Variants in SCO1 observed in about 807,000 individuals in gnomAD.
The protein encoded by SCO1 is cytochrome c oxidase assembly factor SCO1.
SCO1 carries 23 observed loss-of-function variants against 34.0 expected under a neutral mutation model. The ratio of observed to expected loss-of-function variants is 0.68; its 90% confidence interval spans 0.49 to 0.96. The LOEUF is 0.96. SCO1 is among the 40% of genes least tolerant of loss of function. SCO1 has a pLI of 0.00. For synonymous variants in SCO1, 161 were observed against 145.5 expected, an observed-to-expected ratio of 1.11 and a Z score of -0.77; for missense variants, 404 against 381.6, an observed-to-expected ratio of 1.06 and a Z score of -0.49.
rs551849143 is a variant in SCO1 at position 10,674,414 on chromosome 17, G to A, written c.*6705C>T. On this transcript the variant is annotated 3_prime_UTR_variant, in exon 6 of 6. Coordinates refer to ENST00000255390, the MANE Select transcript of SCO1 (RefSeq NM_004589.4). ...GCTCTCCAGCCTAGGCAACAAGAGC[G>A]AAACTCCATCTCAAAACAAACAAAC... 5.6e-4 allele frequency: 159 copies of A among 283,682 alleles called. 1 individual carries two copies. The highest frequency in any genetic ancestry group is 3.1e-3 in the African/African-American group (134 of 43,740). The allele number at this position is 283,682 out of a possible 1,614,324, so 17.6% of individuals were successfully genotyped here.
At chr17:10,689,366 C>A (rs2074677410) in intron 4 of SCO1, among the ~76,000 whole-genome samples, 1 of 152,084 alleles carries the variant, frequency 6.6e-6, no homozygotes, top group Non-Finnish European at 1.5e-5. Context: ...CTTCATAAAA[C>A]ATATTTTTAA....
chr17:10,696,752 T>C (rs2074730745), intron 1 of SCO1, among the ~76,000 whole-genome samples: 1 of 152,114 alleles, frequency 6.6e-6, no homozygotes, highest in Non-Finnish European at 1.5e-5. Flanking sequence ...GGCTCTCAAG[T>C]TATTTCTGGG....
rs375308501 is a variant in SCO1, at chr17:10,688,979, G to A, written c.656-2137C>T. ...AAAATACAAAAAATTAGCCGGGCGT[G>A]GTAGCGGGCGCCTGTAGTCCCAGCT... On this transcript the variant is annotated intron_variant, in intron 4 of 5. Transcript: ENST00000255390. Among the ~76,000 whole-genome samples, 48 of 148,398 alleles carry A rather than the reference G, an allele frequency of 3.2e-4. No individual in the cohort carries two copies. In the East Asian group the frequency reaches 6.8e-3, roughly 21 times the overall value.
rs535894171 is a variant in SCO1, at chr17:10,676,605, T to C, written c.*4514A>G. On this transcript the variant is annotated 3_prime_UTR_variant, in exon 6 of 6. Coordinates refer to ENST00000255390, the MANE Select transcript of SCO1 (RefSeq NM_004589.4). ...AAGGAAAAAAAGAAAACTCAAGTTT[T>C]CTTTCGGTTAAATACCCACATCAAT... 3.3e-5 allele frequency: 5 copies of C among 152,348 alleles called. 1 individual carries two copies. In the Middle Eastern group the frequency reaches 0.017, roughly 518 times the overall value. The allele number at this position is 152,348 out of a possible 1,614,324, so 9.4% of individuals were successfully genotyped here. A position where few individuals can be genotyped will look rare whatever the true frequency, so the allele number is the denominator to read the frequency against.
chr17:10,686,585 A>T, intron 5 of SCO1, 142 bp downstream of exon 5: 1 of 555,544 alleles, frequency 1.8e-6, no homozygotes, highest in Non-Finnish European at 3.2e-6. Context: ...CCATCTCAAA[A>T]AAAAAAAAAA....
chr17:10,687,945 T>G (rs1040944217), intron 4 of SCO1, among the ~76,000 whole-genome samples: 1 of 152,234 alleles, frequency 6.6e-6, no homozygotes, highest in African/African-American at 2.4e-5. Context: ...AATGAGTTCA[T>G]AAATATCTGT....
chr17:10,694,389 A>C (rs1173990591), intron 2 of SCO1, among the ~76,000 whole-genome samples: 1 of 152,206 alleles, frequency 6.6e-6, no homozygotes, highest in Non-Finnish European at 1.5e-5. Flanking sequence ...AAAACTTGGA[A>C]GACTGAACTG....
chr17:10,690,309 T>A (rs1461237956), intron 4 of SCO1, among the ~76,000 whole-genome samples: 1 of 151,414 alleles, frequency 6.6e-6, no homozygotes, highest in African/African-American at 2.4e-5. Context: ...GACTAGGGAG[T>A]TAATATCCAG....
At chr17:10,690,382 T>G (rs1359060526) in intron 4 of SCO1, among the ~76,000 whole-genome samples, 1 of 152,150 alleles carries the variant, frequency 6.6e-6, no homozygotes, top group Admixed American at 6.5e-5. Flanking sequence ...GCAAATGATC[T>G]AAATAGACAT....
Position 10,681,226 on chromosome 17 carries a change from T to C in SCO1, c.799A>G (p.Ile267Val). Residue 267 changes from isoleucine (I) to valine (V), a missense_variant, in exon 6 of 6, where the codon ATT becomes GTT. Coordinates refer to ENST00000255390, the MANE Select transcript of SCO1 (RefSeq NM_004589.4). ...IVDHTIIMYLIGPDGEFLDYF... is the reference protein window; with the variant it reads ...IVDHTIIMYLVGPDGEFLDYF... ...TCTAGAAACTCACCATCTGGTCCAA[T>C]CAAGTACATTATTATTGTGTGATCC... 1 of 1,614,102 alleles carries C rather than the reference T, an allele frequency of 6.2e-7. No individual in the cohort carries two copies. Among genetic ancestry groups the C allele is most frequent in the South Asian group, 1.1e-5 (1 of 91,074 alleles).
intron 3 of SCO1, among the ~76,000 whole-genome samples, chr17:10,692,329 G>A (rs1216326955): frequency 6.6e-6 from 1 of 152,188 alleles, no homozygotes; most frequent in Non-Finnish European, 1.5e-5. Context: ...TCAAGGGCAA[G>A]AAGGTAAATT....
intron 2 of SCO1, 115 bp from the exon 3 acceptor site, chr17:10,693,076 G>T (rs2151457184): frequency 2.4e-6 from 2 of 822,574 alleles, no homozygotes; most frequent in East Asian, 5.3e-5. Flanking sequence ...ACAAAATGTG[G>T]AAAAAACAGT....
chr17:10,690,330 A>G (rs1170080525), intron 4 of SCO1, among the ~76,000 whole-genome samples: 1 of 152,182 alleles, frequency 6.6e-6, no homozygotes, highest in Non-Finnish European at 1.5e-5. Context: ...AATGTACTCA[A>G]TCATCTCAAC....
intron 2 of SCO1, 110 bp downstream of exon 2, chr17:10,695,631 G>T: frequency 1.3e-6 from 1 of 762,280 alleles, no homozygotes; most frequent in African/African-American, 1.8e-5. Flanking sequence ...GCAATTTTTT[G>T]GTAAATCTAA....
chr17:10,683,070 G>A (rs1310344584), intron 5 of SCO1, among the ~76,000 whole-genome samples: 1 of 152,130 alleles, frequency 6.6e-6, no homozygotes, highest in African/African-American at 2.4e-5. Context: ...CATAGAAAAC[G>A]AATATCCAGT....
chr17:10,680,356 T>A lies in SCO1; in HGVS notation c.*763A>T, dbSNP rs1439868725. On this transcript the variant is annotated 3_prime_UTR_variant, in exon 6 of 6. Transcript: ENST00000255390. ...CTTGTCTGAACAGCAAAACTGAGTA[T>A]GTTTACTTTACACAAAGTACAATCC... 1 of 152,680 alleles carries A rather than the reference T, an allele frequency of 6.5e-6. No homozygotes were observed. Among genetic ancestry groups the A allele is most frequent in the Non-Finnish European group, 1.5e-5 (1 of 68,414 alleles). 9.5% of individuals were successfully genotyped at this position (152,680 alleles called of 1,614,324 possible). A position where few individuals can be genotyped will look rare whatever the true frequency, so the allele number is the denominator to read the frequency against.
In SCO1 at chr17:10,697,284, G is replaced by T. The variant is rs370147170; in HGVS notation, c.224C>A (p.Pro75Gln). ...RPLSTARPPP[P>Q]WSQKGPGDST... is the part of the protein sequence containing the mutation. ...GTCTCCGGGGCCCTTCTGCGACCAC[G>T]GGGGTGGCGGCCTCGCAGTGCTGAG... Residue 75 changes from proline (P) to glutamine (Q), a missense_variant, in exon 1 of 6, where the codon CCG becomes CAG. Coordinates refer to ENST00000255390, the MANE Select transcript of SCO1 (RefSeq NM_004589.4). 4.8e-5 allele frequency: 75 copies of T among 1,565,416 alleles called. No homozygotes were observed. The highest frequency in any genetic ancestry group is 5.6e-5 in the Non-Finnish European group (65 of 1,155,110).
intron 4 of SCO1, among the ~76,000 whole-genome samples, chr17:10,688,661 T>C (rs1316824299): frequency 2.0e-5 from 3 of 152,220 alleles, no homozygotes. Flanking sequence ...AATGAAAGCA[T>C]GTGTCCACAC....
Position 10,692,083 on chromosome 17 carries a change from C to T in SCO1, c.563-119G>A, listed in dbSNP as rs564891450. On this transcript the variant is annotated intron_variant, in intron 3 of 5. Transcript: ENST00000255390. ...GCTAGGTGTTTTGAAAGCAGATGGA[C>T]ATCTTAACATTCAGGTGAAGAGGAA... 1.1e-4 allele frequency: 80 copies of T among 732,990 alleles called. No homozygotes were observed. In the African/African-American group the frequency reaches 1.1e-3, roughly 10 times the overall value. 45.4% of individuals were successfully genotyped at this position (732,990 alleles called of 1,614,324 possible).
Sources: gnomAD v4.1 joint callset for allele counts (sites outside exome capture counted in the v4.1 genomes callset) on GRCh38, gnomAD v4.1.1 for gene constraint, MANE v1.5 for transcripts, NCBI Gene and HGNC (gene_info 2026-07-23, HGNC 2026-07-21) for gene names.